The following HUWE1 variants were observed in gnomAD, a reference collection of about 807,000 sequenced individuals.
HUWE1 encodes HECT, UBA and WWE domain containing E3 ubiquitin protein ligase 1.
A neutral mutation model predicts 299.4 loss-of-function variants in HUWE1; 18 were observed. The ratio of observed to expected loss-of-function variants is 0.06; its 90% CI spans 0.04 to 0.09. The LOEUF is 0.09. Among genes scored for constraint, HUWE1 ranks in the 10% least tolerant of loss-of-function variants. The pLI, the probability that HUWE1 is intolerant of heterozygous loss-of-function variation, is 1.00. For synonymous variants in HUWE1, 1,317 were observed against 1,286.1 expected, an observed-to-expected ratio of 1.02 and a Z score of -0.51; for missense variants, 1,832 against 3,462.3, an observed-to-expected ratio of 0.53 and a Z score of 11.82.
chrX:53,645,734 AAAATATATAT>A (rs1452234332), intron 6 of HUWE1, among the ~76,000 whole-genome samples: 385 of 17,995 alleles, frequency 0.021, 1 homozygote, highest in Non-Finnish European at 0.035. Flanking sequence ...AAAAAAAAAA[AAAATATATAT>A]ATATATATAT....
At chrX:53,540,423 G>T (rs1172232965) in intron 74 of HUWE1, among the ~76,000 whole-genome samples, 1 of 110,614 alleles carries the variant, frequency 9.0e-6, no homozygotes, top group Non-Finnish European at 1.9e-5. Flanking sequence ...CCGCCTCCTG[G>T]GTTCAAGCGA....
chrX:53,561,662 C>T, intron 55 of HUWE1, 94 bp downstream of exon 55: 1 of 1,165,781 alleles, frequency 8.6e-7, no homozygotes, highest in Admixed American at 2.3e-5. Context: ...GAAGTGCTGT[C>T]TGTATCGGAT....
At chrX:53,609,815 A>G (rs1671372615) in intron 23 of HUWE1, among the ~76,000 whole-genome samples, 3 of 112,101 alleles carry the variant, frequency 2.7e-5, no homozygotes, top group African/African-American at 9.7e-5. Flanking sequence ...GAAGAAGACA[A>G]GAAAGTTGGC....
chrX:53,532,333 A>G lies in HUWE1; in HGVS notation c.*976T>C, dbSNP rs781942980. ...CTAGTTAAATTACTCGCTTATTAAA[A>G]TTTATTAGAAATAAACAAACATTAA... On this transcript the variant is annotated 3_prime_UTR_variant, in exon 84 of 84. Coordinates refer to ENST00000262854, the MANE Select transcript of HUWE1 (RefSeq NM_031407.7). 42 of 111,462 alleles carry G rather than the reference A, an allele frequency of 3.8e-4. No individual in the cohort carries two copies. The East Asian group carries it at 0.011, about 30-fold the overall frequency. The allele number at this position is 111,462 out of a possible 1,213,427, so 9.2% of individuals were successfully genotyped here. A position where few individuals can be genotyped will look rare whatever the true frequency, so the allele number is the denominator to read the frequency against.
intron 23 of HUWE1, among the ~76,000 whole-genome samples, chrX:53,613,391 A>G (rs1199876692): frequency 1.8e-5 from 2 of 111,766 alleles, no homozygotes; most frequent in African/African-American, 3.3e-5. Context: ...GGTGCCATTC[A>G]GGACCAGCTC....
At chrX:53,594,736 C>T (rs2064361370) in intron 30 of HUWE1, 115 bp from the exon 31 acceptor site, 3 of 723,226 alleles carry the variant, frequency 4.1e-6, no homozygotes, top group African/African-American at 4.2e-5. Context: ...ACACCTCCCA[C>T]CTACTAAAGA....
intron 80 of HUWE1, chrX:53,535,788 G>GT (rs1358349204): frequency 8.3e-5 from 32 of 384,914 alleles, no homozygotes; most frequent in Middle Eastern, 1.5e-3. Flanking sequence ...GCTAACATAT[G>GT]TAACGGAATG....
chrX:53,535,758 G>T (rs1556912115), intron 80 of HUWE1, among the ~76,000 whole-genome samples: 1 of 111,391 alleles, frequency 9.0e-6, no homozygotes, highest in Non-Finnish European at 1.9e-5. Context: ...ACTATCAGTG[G>T]TAAAAGGGAA....
intron 70 of HUWE1, among the ~76,000 whole-genome samples, chrX:53,545,601 T>A (rs1040152715): frequency 1.8e-5 from 2 of 111,948 alleles, no homozygotes; most frequent in Admixed American, 1.9e-4. Flanking sequence ...GAGATAATTA[T>A]ATGGTAGAGT....
Position 53,548,018 on chromosome X carries a change from G to A in HUWE1, c.10291C>T (p.Leu3431=), listed in dbSNP as rs372207058. ...GACAACATGTTCATGAGCTGCCCCA[G>A]TGGAGAGGCCTCGAGGCTGTATGGA... ...TSPYSLEASP[L]GQLMNMLSHP... is the part of the protein sequence containing the mutation. The change falls in exon 68 of 84, where the codon CTG becomes TTG. Residue 3431 remains leucine (L), a synonymous_variant. Transcript: ENST00000262854. 3 of 1,209,879 alleles carry A rather than the reference G, an allele frequency of 2.5e-6. No individual in the cohort carries two copies. The highest frequency in any genetic ancestry group is 3.4e-6 in the Non-Finnish European group (3 of 895,076).
chrX:53,621,622 CTT>C (rs1238705477), intron 19 of HUWE1, among the ~76,000 whole-genome samples: 15 of 109,502 alleles, frequency 1.4e-4, no homozygotes, highest in African/African-American at 4.3e-4. Context: ...CCCATCAACT[CTT>C]TGACAGCCCA....
At chrX:53,634,320 T>C (rs2067062199) in intron 7 of HUWE1, 22 bp from the exon 8 acceptor site, 1 of 1,158,846 alleles carries the variant, frequency 8.6e-7, no homozygotes, top group African/African-American at 1.8e-5. Flanking sequence ...AAAAAGATAG[T>C]GTTAAGACAG....
At chrX:53,659,319 G>C (rs2068888124) in intron 3 of HUWE1, among the ~76,000 whole-genome samples, 1 of 112,329 alleles carries the variant, frequency 8.9e-6, no homozygotes, top group African/African-American at 3.2e-5. Context: ...TAGGTGAATG[G>C]ATAAACTGTG....
intron 37 of HUWE1, 32 bp from the exon 38 acceptor site, chrX:53,586,941 C>T (rs782358176): frequency 2.5e-6 from 3 of 1,201,262 alleles, no homozygotes; most frequent in Admixed American, 2.2e-5. Flanking sequence ...ACAACAACAA[C>T]CAGATACCAA....
intron 71 of HUWE1, 119 bp downstream of exon 71, chrX:53,544,910 G>A: frequency 2.1e-6 from 2 of 950,675 alleles, no homozygotes; most frequent in East Asian, 3.2e-5. Context: ...TGGGTCAAGT[G>A]TGTATAGGAA....
chrX:53,680,483 A>G (rs1461678670), intron 2 of HUWE1: 2 of 126,079 alleles, frequency 1.6e-5, no homozygotes, highest in Non-Finnish European at 3.2e-5. Flanking sequence ...CCCTCAATAT[A>G]AACACTAAGG....
At chrX:53,628,375 C>A in intron 15 of HUWE1, 118 bp downstream of exon 15, 1 of 794,815 alleles carries the variant, frequency 1.3e-6, no homozygotes. Flanking sequence ...ATAACTTTTT[C>A]TGGATAAGCT....
At chrX:53,602,803 T>C in intron 27 of HUWE1, 145 bp from the exon 28 acceptor site, 1 of 360,262 alleles carries the variant, frequency 2.8e-6, no homozygotes, top group East Asian at 4.4e-5. Context: ...TAATAAAGCA[T>C]CTATAATTCC....
chrX:53,585,047 T>G lies in HUWE1; in HGVS notation c.4966A>C (p.Arg1656=), dbSNP rs952845830. 2 of 1,210,444 alleles carry G rather than the reference T, an allele frequency of 1.7e-6. No homozygotes were observed. The highest frequency in any genetic ancestry group is 4.4e-5 in the Admixed American group (2 of 45,858). ...GTAGTGAATTGGACCGTGTATCTTC[T>G]TCGGCCTGCAGTGAATCGCACGCTT... The part of the protein sequence containing the change: ...ETSVRFTAGR[R]RYTVQFTTMV... The change falls in exon 40 of 84, where the codon AGA becomes CGA. Residue 1656 remains arginine, a synonymous_variant. Transcript: ENST00000262854.
Sources: allele counts gnomAD v4.1 joint callset (sites outside exome capture counted in the v4.1 genomes callset), GRCh38; gene constraint gnomAD v4.1.1; transcripts MANE v1.5; gene names NCBI Gene and HGNC (gene_info 2026-07-23, HGNC 2026-07-21).